Variants in RNF217 observed in about 807,000 individuals in gnomAD.
RNF217 encodes the protein ring finger protein 217.
Under a neutral mutation model 57.8 loss-of-function variants are expected in RNF217, and 31 were observed. The observed-to-expected ratio is 0.54, with a 90% CI of 0.40 to 0.72. RNF217 has a LOEUF of 0.72. Among genes scored for constraint, RNF217 ranks in the 30% least tolerant of loss-of-function variants. The pLI is 0.00. For synonymous variants in RNF217, 313 were observed against 294.0 expected (o/e 1.06, Z -0.66); for missense variants, 696 against 708.3 (o/e 0.98, Z 0.20).
chr6:125,007,307 G>A (rs552055568), intron 1 of RNF217, among the ~76,000 whole-genome samples: 29 of 149,706 alleles, frequency 1.9e-4, no homozygotes, highest in African/African-American at 6.9e-4. Flanking sequence ...GTGCAGTGGT[G>A]CGATCTCGGC....
intron 1 of RNF217, among the ~76,000 whole-genome samples, chr6:124,978,969 T>C (rs1784063013): frequency 1.3e-5 from 2 of 152,172 alleles, no homozygotes; most frequent in African/African-American, 4.8e-5. Context: ...GAATGCAAGC[T>C]GATTGGTCCA....
chr6:125,015,816 G>C (rs183114734), intron 1 of RNF217, among the ~76,000 whole-genome samples: 1 of 151,910 alleles, frequency 6.6e-6, no homozygotes, highest in South Asian at 2.1e-4. Context: ...CTATTTCTAA[G>C]AACTAACATT....
At chr6:125,039,326 A>C (rs1786780770) in intron 1 of RNF217, among the ~76,000 whole-genome samples, 1 of 152,086 alleles carries the variant, frequency 6.6e-6, no homozygotes, top group African/African-American at 2.4e-5. Flanking sequence ...CAGACCTTAA[A>C]CCAACAAAGA....
rs1783496222 is a variant in RNF217, at chr6:124,965,345, A to G, written c.882+1919A>G. Reference sequence around the variant, plus strand: ...TCCCAGCACTTTGGGAGGCTGAGGCAGGTGGATCACCTGAGATCGGGAGTT... The same window carrying G: ...TCCCAGCACTTTGGGAGGCTGAGGCGGGTGGATCACCTGAGATCGGGAGTT... On this transcript the variant is annotated intron_variant, in intron 1 of 5. Transcript: ENST00000521654. Among the ~76,000 whole-genome samples, 5 of 152,168 alleles carry G rather than the reference A, an allele frequency of 3.3e-5. 1 individual carries two copies. In the South Asian group the frequency reaches 1.0e-3, roughly 32 times the overall value.
chr6:125,040,578 A>T (rs1786840773), intron 1 of RNF217, among the ~76,000 whole-genome samples: 1 of 152,182 alleles, frequency 6.6e-6, no homozygotes, highest in African/African-American at 2.4e-5. Context: ...ACTCCTCCGT[A>T]ACTCATTTTA....
intron 2 of RNF217, among the ~76,000 whole-genome samples, chr6:125,054,593 A>G (rs1424262737): frequency 2.0e-5 from 3 of 152,196 alleles, no homozygotes; most frequent in Admixed American, 6.5e-5. Flanking sequence ...CCATTCAACA[A>G]TGAGCACCCA....
At chr6:125,068,241 GA>G in intron 3 of RNF217, among the ~76,000 whole-genome samples, 1 of 152,180 alleles carries the variant, frequency 6.6e-6, no homozygotes, top group Middle Eastern at 3.4e-3. Context: ...TTAAAATGTA[GA>G]GTGAGGAATG....
intron 1 of RNF217, among the ~76,000 whole-genome samples, chr6:124,991,463 T>G (rs1413892653): frequency 6.6e-6 from 1 of 152,218 alleles, no homozygotes; most frequent in African/African-American, 2.4e-5. Flanking sequence ...TTCTTCTTCC[T>G]TGTTTAATCT....
intron 1 of RNF217, among the ~76,000 whole-genome samples, chr6:124,963,982 ACT>A (rs1715236739): frequency 2.0e-5 from 3 of 152,090 alleles, no homozygotes; most frequent in African/African-American, 7.2e-5. Context: ...CTTTTCTTTC[ACT>A]GAGGTTTTAA....
Position 125,089,341 on chromosome 6 carries a change from T to C in RNF217, c.*6404T>C, listed in dbSNP as rs978330773. The C allele has an allele frequency of 6.6e-6, 1 of 152,182 alleles. No homozygotes were observed. Among genetic ancestry groups the C allele is most frequent in the East Asian group, 1.9e-4 (1 of 5,192 alleles). The allele number at this position is 152,182 out of a possible 1,614,324, so 9.4% of individuals were successfully genotyped here. On this transcript the variant is annotated 3_prime_UTR_variant, in exon 6 of 6. Transcript: ENST00000521654. ...ATTCATCCAACCTGACCCCAGGTCA[T>C]TCATTCTCCATCCAAAAAGGGTTAT...
intron 3 of RNF217, 48 bp from the exon 4 acceptor site, chr6:125,076,609 A>G: frequency 6.2e-6 from 9 of 1,444,494 alleles, no homozygotes; most frequent in Non-Finnish European, 8.7e-6. Context: ...TTGCTTTTTA[A>G]AAACTCAGCT....
intron 1 of RNF217, among the ~76,000 whole-genome samples, chr6:124,972,410 A>G (rs77865050): frequency 0.012 from 1,818 of 152,204 alleles, 16 homozygotes; most frequent in Non-Finnish European, 0.02. Flanking sequence ...CTCCACACAT[A>G]TGCCAGAGGG....
chr6:124,962,722 G>T lies in RNF217; in HGVS notation c.178G>T (p.Gly60Cys). The change falls in exon 1 of 6, where the codon GGC (glycine) becomes TGC (cysteine). Residue 60 changes from glycine (G) to cysteine (C), a missense_variant. By Grantham distance (159) the Gly-to-Cys change is radical. Around this residue, in one of 2 missense-constraint regions of RNF217, gnomAD observed 465 missense variants for 386.8 expected, o/e 1.20. Coordinates refer to ENST00000521654, the MANE Select transcript of RNF217 (RefSeq NM_001286398.3). The surrounding 1 kb of genome is among the most constrained non-coding windows in gnomAD (Gnocchi z 4.6). ...PSGGGCGSDW[G>C]CADTSAPEPA... ...CGGCGGTGGCTGCGGAAGCGACTGG[G>T]GCTGCGCGGACACCAGCGCCCCAGA... 1 of 1,541,800 alleles carries T rather than the reference G, an allele frequency of 6.5e-7. No individual in the cohort carries two copies. Among genetic ancestry groups the T allele is most frequent in the South Asian group, 1.2e-5 (1 of 84,592 alleles).
intron 4 of RNF217, among the ~76,000 whole-genome samples, chr6:125,078,704 T>C (rs1483202771): frequency 6.6e-6 from 1 of 152,152 alleles, no homozygotes; most frequent in Non-Finnish European, 1.5e-5. Context: ...TTTTGGCCTG[T>C]CTTTTGTGTG....
At chr6:125,073,003 A>G (rs778904157) in intron 3 of RNF217, among the ~76,000 whole-genome samples, 2 of 152,232 alleles carry the variant, frequency 1.3e-5, no homozygotes, top group Non-Finnish European at 2.9e-5. Flanking sequence ...GGCACATAAT[A>G]GGCTCTACGC....
Position 124,972,540 on chromosome 6 carries a change from GAC to G in RNF217, c.882+9115_882+9116del, listed in dbSNP as rs1217600427. Among the ~76,000 whole-genome samples the G allele has an allele frequency of 2.0e-5, 3 of 152,166 alleles. No homozygotes were observed. In the East Asian group the frequency reaches 5.8e-4, roughly 29 times the overall value. On this transcript the variant is annotated intron_variant, in intron 1 of 5. Coordinates refer to ENST00000521654, the MANE Select transcript of RNF217 (RefSeq NM_001286398.3). The stretch of plus-strand genomic sequence containing the variant: ...GGTATCTCATGTCCCTGTGCATTCT[GAC>G]TCCTGTGTGTCCGTCTGAGCTTTCT...
rs772923802 is a variant in RNF217 at position 125,057,988 on chromosome 6, C to T, written c.1163C>T (p.Ser388Phe). The T allele has an allele frequency of 6.2e-7, 1 of 1,612,622 alleles. No homozygotes were observed. Among genetic ancestry groups the T allele is most frequent in the Admixed American group, 1.7e-5 (1 of 59,900 alleles). ...CQFVWCFKCHSPWHEGVNCKE... is the reference protein window; with the variant it reads ...CQFVWCFKCHFPWHEGVNCKE... ...TTCGTCTGGTGTTTTAAGTGCCACT[C>T]TCCTTGGCATGAAGGTGTTAACTGC... Residue 388 changes from serine (S) to phenylalanine (F), a missense_variant, in exon 3 of 6, where the codon TCT becomes TTT. This residue lies in a region of RNF217 where 231 missense variants were observed against 321.4 expected (regional missense o/e 0.72). Coordinates refer to ENST00000521654, the MANE Select transcript of RNF217 (RefSeq NM_001286398.3).
chr6:124,962,666 C>G lies in RNF217; in HGVS notation c.122C>G (p.Pro41Arg). ...CCTCAGGGGGACAGCGCCCGGGCGC[C>G]CCCGCTGCGCGCCGCCTCCGCGGAG... Reference protein sequence around the residue: ...PRPQGDSARAPPLRAASAEPS... With the variant: ...PRPQGDSARARPLRAASAEPS... The change falls in exon 1 of 6, where the codon CCC becomes CGC. Residue 41 changes from proline to arginine, a missense_variant. Physicochemically the swap from Pro to Arg is moderately radical, Grantham distance 103. This residue lies in a region of RNF217 where 465 missense variants were observed against 386.8 expected (regional missense o/e 1.20). Coordinates refer to ENST00000521654, the MANE Select transcript of RNF217 (RefSeq NM_001286398.3). The surrounding 1 kb of genome is among the most constrained non-coding windows in gnomAD (Gnocchi z 4.6). The G allele has an allele frequency of 3.0e-6, 4 of 1,340,016 alleles. No homozygotes were observed. The highest frequency in any genetic ancestry group is 2.8e-6 in the Non-Finnish European group (3 of 1,056,902). 83.0% of individuals were successfully genotyped at this position (1,340,016 alleles called of 1,614,324 possible).
intron 4 of RNF217, among the ~76,000 whole-genome samples, chr6:125,077,641 C>G (rs1788429296): frequency 6.6e-6 from 1 of 152,178 alleles, no homozygotes; most frequent in Admixed American, 6.5e-5. Flanking sequence ...TTCTTCTGCT[C>G]CTCTGGAATG....
Sources: gnomAD v4.1 joint callset for allele counts (sites outside exome capture counted in the v4.1 genomes callset) on GRCh38, gnomAD v4.1.1 for gene constraint, gnomAD v4.1.1 regional missense constraint, Gnocchi (gnomAD v3.1) non-coding constraint, MANE v1.5 for transcripts, NCBI Gene and HGNC (gene_info 2026-07-23, HGNC 2026-07-21) for gene names.